Variants in GMDS observed in about 807,000 individuals in gnomAD.
The protein encoded by GMDS is GDP-mannose 4,6 dehydratase.
GMDS carries 20 observed loss-of-function variants against 49.9 expected under a neutral mutation model. The observed-to-expected ratio is 0.40, with a 90% CI of 0.28 to 0.58. The LOEUF is 0.58. Ranked by LOEUF, GMDS falls within the 20% of genes least tolerant of loss-of-function variation. The pLI is 0.42. For missense variants in GMDS, 362 were observed against 481.4 expected (o/e 0.75, Z 2.32); for synonymous variants, 177 against 178.6 (o/e 0.99, Z 0.07).
chr6:1,989,081 G>A (rs188540268), intron 4 of GMDS, among the ~76,000 whole-genome samples: 9 of 152,322 alleles, frequency 5.9e-5, no homozygotes, highest in Admixed American at 2.0e-4. Context: ...AACGGAGAAC[G>A]TTGACACAAG....
intron 9 of GMDS, among the ~76,000 whole-genome samples, chr6:1,630,317 T>C (rs1179860242): frequency 6.6e-6 from 1 of 152,230 alleles, no homozygotes; most frequent in Non-Finnish European, 1.5e-5. Flanking sequence ...GAACCGCATG[T>C]GGCCTATGCA....
intron 1 of GMDS, among the ~76,000 whole-genome samples, chr6:2,157,563 A>G (rs1777169924): frequency 6.6e-6 from 1 of 152,200 alleles, no homozygotes; most frequent in Non-Finnish European, 1.5e-5. Flanking sequence ...TGCCTTAACC[A>G]GACCAGAGAT....
chr6:2,137,207 A>G (rs1323713394), intron 1 of GMDS, among the ~76,000 whole-genome samples: 1 of 152,254 alleles, frequency 6.6e-6, no homozygotes, highest in African/African-American at 2.4e-5. Flanking sequence ...TTCAATTTCA[A>G]CATGAATTCT....
chr6:2,141,923 C>T (rs1223097956), intron 1 of GMDS, among the ~76,000 whole-genome samples: 1 of 151,894 alleles, frequency 6.6e-6, no homozygotes. Context: ...CACTCCTCCT[C>T]CCACCTACAC....
At chr6:1,753,261 A>G (rs936501225) in intron 7 of GMDS, among the ~76,000 whole-genome samples, 2 of 152,212 alleles carry the variant, frequency 1.3e-5, no homozygotes, top group African/African-American at 4.8e-5. Flanking sequence ...GATAAAACAG[A>G]TTTTAAATGA....
At chr6:1,715,181 C>T (rs1019685439) in intron 9 of GMDS, among the ~76,000 whole-genome samples, 8 of 152,182 alleles carry the variant, frequency 5.3e-5, no homozygotes, top group African/African-American at 1.9e-4. Flanking sequence ...GAAATATGAC[C>T]TTTTCAAAGG....
At chr6:1,912,273 C>T (rs554008703) in intron 7 of GMDS, among the ~76,000 whole-genome samples, 5 of 151,964 alleles carry the variant, frequency 3.3e-5, no homozygotes, top group African/African-American at 1.2e-4. Context: ...GGCTGAGGCA[C>T]GACAATGGCT....
chr6:1,696,875 A>G (rs1765362491), intron 9 of GMDS, among the ~76,000 whole-genome samples: 3 of 152,224 alleles, frequency 2.0e-5, no homozygotes, highest in Admixed American at 2.0e-4. Flanking sequence ...TCACATGGTA[A>G]AACAACAAGT....
chr6:2,010,029 A>C (rs1191463949), intron 4 of GMDS, among the ~76,000 whole-genome samples: 1 of 152,172 alleles, frequency 6.6e-6, no homozygotes, highest in Non-Finnish European at 1.5e-5. Context: ...AAACACAAGA[A>C]AAACACACAG....
chr6:2,119,989 G>A (rs1266253202), intron 2 of GMDS, among the ~76,000 whole-genome samples: 2 of 152,078 alleles, frequency 1.3e-5, no homozygotes, highest in Admixed American at 1.3e-4. Flanking sequence ...TCAAGAAAAT[G>A]GAAAATTATT....
intron 7 of GMDS, among the ~76,000 whole-genome samples, chr6:1,904,002 G>A (rs975117792): frequency 2.0e-5 from 3 of 152,110 alleles, no homozygotes; most frequent in Non-Finnish European, 2.9e-5. Context: ...GATTTATTGC[G>A]ACTGAGTCCC....
intron 1 of GMDS, among the ~76,000 whole-genome samples, chr6:2,160,136 T>C (rs1278407189): frequency 6.6e-6 from 1 of 152,182 alleles, no homozygotes; most frequent in African/African-American, 2.4e-5. Context: ...TTCTCCCCCA[T>C]TAAAGAAAAG....
intron 7 of GMDS, among the ~76,000 whole-genome samples, chr6:1,779,959 G>A (rs922595061): frequency 7.2e-5 from 11 of 152,224 alleles, no homozygotes; most frequent in Admixed American, 2.6e-4. Context: ...GTTGGCTGAA[G>A]GCCACCAAAG....
At chr6:1,810,987 G>GTT (rs113696746) in intron 7 of GMDS, among the ~76,000 whole-genome samples, 61 of 149,590 alleles carry the variant, frequency 4.1e-4, no homozygotes, top group African/African-American at 1.3e-3. Flanking sequence ...TTTTCTCCTA[G>GTT]TTTTTTTTTT....
rs373211554 is a variant in GMDS, at chr6:2,029,647, C to A, written c.346-68681G>T. 2.0e-5 allele frequency among the ~76,000 whole-genome samples: 3 copies of A among 152,268 alleles called. No individual in the cohort carries two copies. The East Asian group carries it at 5.8e-4, about 29-fold the overall frequency. On this transcript the variant is annotated intron_variant, in intron 4 of 10. Transcript: ENST00000380815. ...ATTTTACAAGACTTGTGTCAGGCAT[C>A]ACTTCTATTATGAAATAATCTTGAA...
At chr6:2,013,860 A>AATC (rs1767717278) in intron 4 of GMDS, among the ~76,000 whole-genome samples, 1 of 59,302 alleles carries the variant, frequency 1.7e-5, no homozygotes, top group African/African-American at 6.2e-5. Context: ...GAATTTCCCA[A>AATC]ATCTAGCAAC....
chr6:1,859,203 C>T (rs1199028215), intron 7 of GMDS, among the ~76,000 whole-genome samples: 2 of 152,172 alleles, frequency 1.3e-5, no homozygotes, highest in East Asian at 3.9e-4. Flanking sequence ...TGATACCTCA[C>T]TGGAAAAGAG....
intron 1 of GMDS, among the ~76,000 whole-genome samples, chr6:2,144,545 A>G (rs1163937886): frequency 6.6e-6 from 1 of 152,164 alleles, no homozygotes; most frequent in African/African-American, 2.4e-5. Context: ...GCCTTGAATG[A>G]TGTAAGCAAG....
At chr6:2,211,757 C>A (rs113350716) in intron 1 of GMDS, among the ~76,000 whole-genome samples, 2,419 of 152,220 alleles carry the variant, frequency 0.016, 52 homozygotes, top group African/African-American at 0.053. Flanking sequence ...AGAAAACAGA[C>A]ATTAGTGAGA....
Sources: allele counts gnomAD v4.1 joint callset (sites outside exome capture counted in the v4.1 genomes callset), GRCh38; gene constraint gnomAD v4.1.1; transcripts MANE v1.5; gene names NCBI Gene and HGNC (gene_info 2026-07-23, HGNC 2026-07-21).